Variants in TSPEAR observed in about 807,000 individuals in gnomAD.
TSPEAR encodes thrombospondin-type laminin G domain and EAR repeat-containing protein.
A neutral mutation model predicts 71.6 loss-of-function variants in TSPEAR; 69 were observed. That is an observed-to-expected ratio of 0.96 (90% CI 0.79 to 1.18). TSPEAR has a LOEUF of 1.18. TSPEAR is among the 50% of genes most tolerant of loss of function. The pLI is 0.00. For missense variants in TSPEAR, 971 were observed against 894.9 expected (o/e 1.09, Z -1.09); for synonymous variants, 402 against 387.2 (o/e 1.04, Z -0.45).
At chr21:44,616,133 T>A (rs1278622474) in intron 1 of TSPEAR, among the ~76,000 whole-genome samples, 1 of 152,104 alleles carries the variant, frequency 6.6e-6, no homozygotes, top group East Asian at 1.9e-4. Flanking sequence ...TTCCTATGTG[T>A]CACTGCACAC....
chr21:44,529,790 C>G lies in TSPEAR; in HGVS notation c.790+8G>C. 1 of 1,613,602 alleles carries G rather than the reference C, an allele frequency of 6.2e-7. No individual in the cohort carries two copies. The highest frequency in any genetic ancestry group is 1.3e-5 in the African/African-American group (1 of 75,038). ...TTTGGTGTGGGGGCGGGTGGCCCCC[C>G]TACTAACCATAGGGATATTTTAGCA... is the stretch of plus-strand genomic sequence containing the variant. On this transcript the variant is annotated splice_region_variant and intron_variant, in intron 5 of 11. Coordinates refer to ENST00000323084, the MANE Select transcript of TSPEAR (RefSeq NM_144991.3).
intron 3 of TSPEAR, among the ~76,000 whole-genome samples, chr21:44,531,933 G>A (rs1265018285): frequency 5.9e-5 from 9 of 152,178 alleles, no homozygotes; most frequent in South Asian, 4.1e-4. Context: ...CTCGCCTCCC[G>A]CCCACGCTGC....
intron 11 of TSPEAR, among the ~76,000 whole-genome samples, chr21:44,502,955 TCTGGGAGGAAGCTGGC>T (rs1569147393): frequency 3.6e-5 from 2 of 55,396 alleles, no homozygotes; most frequent in African/African-American, 1.1e-4. Flanking sequence ...GAAGCAAGGC[TCTGGGAGGAAGCTGGC>T]CTCGGTGAGC....
intron 10 of TSPEAR, among the ~76,000 whole-genome samples, chr21:44,507,340 AG>A (rs2052227482): frequency 6.6e-6 from 1 of 152,220 alleles, no homozygotes; most frequent in Non-Finnish European, 1.5e-5. Context: ...ATTTGAAGGC[AG>A]TCAGAGCCAA....
At chr21:44,645,966 C>T (rs1174570340) in intron 1 of TSPEAR, among the ~76,000 whole-genome samples, 3 of 150,848 alleles carry the variant, frequency 2.0e-5, no homozygotes, top group South Asian at 2.1e-4. Context: ...GGTGAAACCC[C>T]GTCTCTACTA....
At chr21:44,588,782 T>C (rs1979534241) in intron 1 of TSPEAR, among the ~76,000 whole-genome samples, 1 of 111,374 alleles carries the variant, frequency 9.0e-6, no homozygotes, top group African/African-American at 2.8e-5. Flanking sequence ...TATGTATGTG[T>C]GTGTGTATAT....
intron 1 of TSPEAR, among the ~76,000 whole-genome samples, chr21:44,706,564 T>A (rs743500): frequency 0.92 from 139,616 of 152,252 alleles, 64,237 homozygotes; most frequent in African/African-American, 0.96. Flanking sequence ...CACGCAGCAC[T>A]CGCTAAACGC....
At chr21:44,638,121 G>A (rs1269861244) in intron 1 of TSPEAR, 31 of 1,613,360 alleles carry the variant, frequency 1.9e-5, no homozygotes, top group Non-Finnish European at 2.6e-5. Flanking sequence ...CGCCCCGTGT[G>A]CTCCCGCCCT....
At chr21:44,531,576 CG>C (rs201585854) in intron 3 of TSPEAR, among the ~76,000 whole-genome samples, 4 of 148,098 alleles carry the variant, frequency 2.7e-5, no homozygotes, top group African/African-American at 2.5e-5. Context: ...GACATGAATT[CG>C]GGGGGGGCAC....
intron 2 of TSPEAR, among the ~76,000 whole-genome samples, chr21:44,544,132 C>T (rs587627078): frequency 2.9e-4 from 44 of 152,262 alleles, no homozygotes; most frequent in Non-Finnish European, 4.4e-4. Context: ...TTTAAGTTTG[C>T]GCTGTCCTGG....
At chr21:44,541,693 C>T (rs1292847906) in intron 2 of TSPEAR, among the ~76,000 whole-genome samples, 3 of 152,190 alleles carry the variant, frequency 2.0e-5, no homozygotes, top group Non-Finnish European at 2.9e-5. Flanking sequence ...TGGAGGGATT[C>T]TAGCAAAAAC....
chr21:44,507,607 G>A (rs782425558), intron 10 of TSPEAR, among the ~76,000 whole-genome samples: 3 of 152,206 alleles, frequency 2.0e-5, no homozygotes, highest in Admixed American at 6.5e-5. Context: ...GCCATAAGTC[G>A]CGAGTGTGTA....
intron 2 of TSPEAR, among the ~76,000 whole-genome samples, chr21:44,551,973 C>T (rs1403376026): frequency 6.6e-6 from 1 of 152,186 alleles, no homozygotes; most frequent in Non-Finnish European, 1.5e-5. Context: ...CTGGCGGGCT[C>T]TGGGATCTTC....
intron 2 of TSPEAR, among the ~76,000 whole-genome samples, chr21:44,553,310 A>T (rs781995812): frequency 1.3e-5 from 2 of 152,226 alleles, no homozygotes; most frequent in Non-Finnish European, 2.9e-5. Flanking sequence ...TGTACATAGG[A>T]TCTACATTCT....
intron 8 of TSPEAR, among the ~76,000 whole-genome samples, chr21:44,524,214 A>G (rs1569163471): frequency 6.8e-6 from 1 of 147,978 alleles, no homozygotes; most frequent in African/African-American, 2.5e-5. Context: ...TAGTCACTCC[A>G]TCAGTCAGTC....
intron 1 of TSPEAR, among the ~76,000 whole-genome samples, chr21:44,581,335 T>G (rs587644958): frequency 1.5e-3 from 232 of 152,384 alleles, no homozygotes; most frequent in African/African-American, 5.3e-3. Context: ...TGCCTAAAAA[T>G]GTACTCAACT....
At chr21:44,646,124 CAAAAAAAAAAAAA>C (rs55672014) in intron 1 of TSPEAR, among the ~76,000 whole-genome samples, 2,247 of 31,354 alleles carry the variant, frequency 0.072, 101 homozygotes, top group African/African-American at 0.22. Context: ...GACTCCCTCT[CAAAAAAAAAAAAA>C]AAAAAAAAAA....
intron 1 of TSPEAR, among the ~76,000 whole-genome samples, chr21:44,571,745 T>C (rs587768629): frequency 2.6e-5 from 4 of 152,324 alleles, no homozygotes; most frequent in East Asian, 1.9e-4. Context: ...ACAAAATACA[T>C]AGTGATCATA....
Position 44,529,891 on chromosome 21 carries a change from T to G in TSPEAR, c.697A>C (p.Arg233=). 1 of 1,613,226 alleles carries G rather than the reference T, an allele frequency of 6.2e-7. No individual in the cohort carries two copies. The highest frequency in any genetic ancestry group is 8.5e-7 in the Non-Finnish European group (1 of 1,179,862). ...GACAGCACCGCCAGCGGGGCGTTCC[T>G]GCTGGGACACAGCCTTGGGGTGGCG... The part of the protein sequence containing the change: ...SDATPRLCPS[R]NAPLAVLSIP... Residue 233 remains arginine (R), a synonymous_variant, in exon 5 of 12, where the codon AGG becomes CGG. Coordinates refer to ENST00000323084, the MANE Select transcript of TSPEAR (RefSeq NM_144991.3).
Sources: allele counts gnomAD v4.1 joint callset (sites outside exome capture counted in the v4.1 genomes callset), GRCh38; gene constraint gnomAD v4.1.1; transcripts MANE v1.5; gene names NCBI Gene and HGNC (gene_info 2026-07-23, HGNC 2026-07-21).